KDM2B: variants seen among roughly 807,000 people sequenced by gnomAD.
KDM2B encodes lysine-specific demethylase 2B.
KDM2B carries 26 observed loss-of-function variants against 150.0 expected under a neutral mutation model. That is an observed-to-expected ratio of 0.17 (90% CI 0.13 to 0.24). KDM2B has a LOEUF of 0.24. Ranked by LOEUF, KDM2B falls within the 10% of genes least tolerant of loss-of-function variation. The pLI is 1.00. For missense variants in KDM2B, 1,265 were observed against 1,816.9 expected (o/e 0.70, Z 5.52); for synonymous variants, 734 against 729.5 (o/e 1.01, Z -0.10).
At chr12:121,499,470 G>A (rs1378031252) in intron 11 of KDM2B, among the ~76,000 whole-genome samples, 6 of 151,696 alleles carry the variant, frequency 4.0e-5, no homozygotes, top group African/African-American at 7.3e-5. Context: ...GAAACACAGC[G>A]AGATCCCATC....
At chr12:121,558,582 T>A (rs1450267779) in intron 4 of KDM2B, among the ~76,000 whole-genome samples, 2 of 151,866 alleles carry the variant, frequency 1.3e-5, no homozygotes, top group Non-Finnish European at 2.9e-5. Flanking sequence ...GCCTCCCAAG[T>A]AGCTGGGACT....
chr12:121,559,404 C>A (rs1323088931), intron 4 of KDM2B, among the ~76,000 whole-genome samples: 3 of 152,146 alleles, frequency 2.0e-5, no homozygotes, highest in African/African-American at 7.2e-5. Context: ...GGCACCTGGG[C>A]TTCACGGACC....
intron 4 of KDM2B, among the ~76,000 whole-genome samples, chr12:121,555,475 T>A (rs1256085827): frequency 5.9e-5 from 9 of 152,054 alleles, no homozygotes; most frequent in African/African-American, 1.9e-4. Context: ...CTGGTTCAAG[T>A]AATTCTTGTG....
At chr12:121,554,173 G>A (rs567812015) in intron 4 of KDM2B, among the ~76,000 whole-genome samples, 28 of 152,016 alleles carry the variant, frequency 1.8e-4, no homozygotes, top group Middle Eastern at 6.8e-3. Flanking sequence ...AGGAGGTTGA[G>A]GCTCCAGTGA....
chr12:121,410,869 A>G, the KDM2B span, among the ~76,000 whole-genome samples: 274 of 152,278 alleles, frequency 1.8e-3, 2 homozygotes, highest in Non-Finnish European at 2.9e-4. Context: ...TATGTGTCTG[A>G]GTTGTACTGA....
intron 4 of KDM2B, among the ~76,000 whole-genome samples, chr12:121,565,930 GA>G (rs782156011): frequency 1.3e-5 from 2 of 149,908 alleles, no homozygotes; most frequent in Non-Finnish European, 2.9e-5. Context: ...CCCGGCCCAG[GA>G]ATTTTTTTTT....
At chr12:121,434,786 T>A (rs1873693907) in intron 22 of KDM2B, among the ~76,000 whole-genome samples, 2 of 152,098 alleles carry the variant, frequency 1.3e-5, no homozygotes, top group African/African-American at 4.8e-5. Context: ...TGAAACCTCA[T>A]CTCTACTAAA....
chr12:121,486,241 T>C lies in KDM2B; in HGVS notation c.1734+8338A>G, dbSNP rs376218430. ...CTCCTGCCTCAGACTCCTGAGTAGC[T>C]GGGATTACAGGTGCCCACCACCATG... is the stretch of plus-strand genomic sequence containing the variant. On this transcript the variant is annotated intron_variant, in intron 12 of 22. Coordinates refer to ENST00000377071, the MANE Select transcript of KDM2B (RefSeq NM_032590.5). Among the ~76,000 whole-genome samples, 8 of 150,824 alleles carry C rather than the reference T, an allele frequency of 5.3e-5. No individual in the cohort carries two copies. In the East Asian group the frequency reaches 7.9e-4, roughly 15 times the overall value.
chr12:121,423,598 C>G, the KDM2B span: 1 of 1,601,556 alleles, frequency 6.2e-7, no homozygotes, highest in Non-Finnish European at 8.5e-7. This position sits in a 1 kb window ranked among gnomAD's most constrained non-coding sequence, Gnocchi z 4.3. Flanking sequence ...CTCACCAGGA[C>G]AGTCACCCCC....
chr12:121,466,733 G>A lies in KDM2B; in HGVS notation c.1735-13389C>T, dbSNP rs1469273963. On this transcript the variant is annotated intron_variant, in intron 12 of 22. Transcript: ENST00000377071. ...CAACTTTGCGAACGCAGAGGCAGGA[G>A]GTGCCGGCGCCCGCGGGGTCCGGGT... Among the ~76,000 whole-genome samples, 454 of 149,692 alleles carry A rather than the reference G, an allele frequency of 3.0e-3. 8 individuals carry two copies. Among genetic ancestry groups the A allele is most frequent in the Non-Finnish European group, 2.2e-3 (146 of 67,118 alleles).
the KDM2B span, chr12:121,417,831 G>T: frequency 1.2e-6 from 2 of 1,614,082 alleles, no homozygotes; most frequent in Middle Eastern, 3.3e-4. The surrounding 1 kb of genome is among the most constrained non-coding windows in gnomAD (Gnocchi z 5.0). Flanking sequence ...AAACTATACA[G>T]CCCCCTCTGC....
At chr12:121,423,872 T>C in the KDM2B span, 1 of 349,422 alleles carries the variant, frequency 2.9e-6, no homozygotes, top group Non-Finnish European at 5.3e-6. This position sits in a 1 kb window ranked among gnomAD's most constrained non-coding sequence, Gnocchi z 4.3. Context: ...ACTGCTGTCT[T>C]GGGAGGACAC....
chr12:121,479,257 G>A (rs1270576132), intron 12 of KDM2B, among the ~76,000 whole-genome samples: 1 of 151,738 alleles, frequency 6.6e-6, no homozygotes, highest in African/African-American at 2.4e-5. Context: ...AGACCATCCT[G>A]GCTAACAAGG....
rs74541641 is a variant in KDM2B, at chr12:121,445,348, T to C, written c.2030A>G (p.Glu677Gly). 1 of 1,612,820 alleles carries C rather than the reference T, an allele frequency of 6.2e-7. No homozygotes were observed. Among genetic ancestry groups the C allele is most frequent in the African/African-American group, 1.3e-5 (1 of 74,994 alleles). ...GAGCATGAGGTTAAACTTGCCTTCC[T>C]CCTCTTCCACCGTGTCTTCCTTCCC... The part of the protein sequence containing the change: ...EAGKEDTVEE[E>G]EGKFNLMLME... The change falls in exon 14 of 23, where the codon GAG becomes GGG. Residue 677 changes from glutamate (E) to glycine (G), a missense_variant. Physicochemically the swap from Glu to Gly is moderately conservative, Grantham distance 98 (BLOSUM62 -2). Around this residue, in one of 11 missense-constraint regions of KDM2B, gnomAD observed 30 missense variants for 32.0 expected, o/e 0.94. Transcript: ENST00000377071.
chr12:121,465,799 A>G (rs570393821), intron 12 of KDM2B, among the ~76,000 whole-genome samples: 156 of 152,332 alleles, frequency 1.0e-3, no homozygotes, highest in African/African-American at 3.7e-3. Context: ...GAAATGGCAA[A>G]CTGTCGCAGG....
intron 11 of KDM2B, among the ~76,000 whole-genome samples, chr12:121,500,876 G>A (rs972762882): frequency 6.6e-6 from 1 of 152,208 alleles, no homozygotes; most frequent in African/African-American, 2.4e-5. Flanking sequence ...CGAGGCGGGC[G>A]GATCACTTGA....
chr12:121,528,588 A>C (rs570849860), intron 8 of KDM2B, among the ~76,000 whole-genome samples: 2,103 of 151,796 alleles, frequency 0.014, 46 homozygotes, highest in African/African-American at 0.048. Context: ...TAAATAAATA[A>C]ATAAATAAAT....
At chr12:121,577,601 C>G (rs1283758981) in intron 2 of KDM2B, among the ~76,000 whole-genome samples, 1 of 152,188 alleles carries the variant, frequency 6.6e-6, no homozygotes, top group African/African-American at 2.4e-5. Flanking sequence ...GCTAACCCCA[C>G]AGCCACAGCC....
chr12:121,470,710 T>C (rs900829800), intron 12 of KDM2B, among the ~76,000 whole-genome samples: 1 of 134,686 alleles, frequency 7.4e-6, no homozygotes, highest in Non-Finnish European at 1.7e-5. Flanking sequence ...GCTCCAATGC[T>C]TCATGCCAGA....
Sources: allele counts gnomAD v4.1 joint callset (sites outside exome capture counted in the v4.1 genomes callset), GRCh38; gene constraint gnomAD v4.1.1; regional missense constraint gnomAD v4.1.1; non-coding constraint Gnocchi (gnomAD v3.1); transcripts MANE v1.5; gene names NCBI Gene and HGNC (gene_info 2026-07-23, HGNC 2026-07-21).